Variants in PATJ observed in about 807,000 individuals in gnomAD.
PATJ encodes the protein PATJ crumbs cell polarity complex component.
Under a neutral mutation model 224.9 loss-of-function variants are expected in PATJ, and 190 were observed. The observed-to-expected ratio is 0.84, with a 90% CI of 0.75 to 0.95. The LOEUF is 0.95. Among genes scored for constraint, PATJ ranks in the 40% least tolerant of loss-of-function variants. The probability of loss-of-function intolerance (pLI) is 0.00; values close to 1 mark genes in which losing one functional copy is unlikely to be tolerated. For missense variants in PATJ, 2,121 were observed against 2,270.3 expected (o/e 0.93, Z 1.34); for synonymous variants, 769 against 820.3 (o/e 0.94, Z 1.07).
chr1:62,120,914 A>AAATGGTTT (rs1296339858), intron 37 of PATJ: 1 of 376,186 alleles, frequency 2.7e-6, no homozygotes. Flanking sequence ...AACAGCTGAA[A>AAATGGTTT]TGATTCTATG....
chr1:62,155,255 C>G (rs1325570288), intron 43 of PATJ, among the ~76,000 whole-genome samples: 1 of 152,200 alleles, frequency 6.6e-6, no homozygotes, highest in African/African-American at 2.4e-5. Flanking sequence ...TTCATGATAA[C>G]TGGATACAGA....
chr1:61,997,788 T>TTGTTTTGTTC (rs1257878357), intron 28 of PATJ, among the ~76,000 whole-genome samples: 2 of 122,166 alleles, frequency 1.6e-5, no homozygotes, highest in Admixed American at 8.4e-5. Context: ...GTGCGGTTTT[T>TTGTTTTGTTC]TGTTTTGTTT....
At chr1:62,035,392 A>G (rs1393128872) in intron 29 of PATJ, among the ~76,000 whole-genome samples, 2 of 152,188 alleles carry the variant, frequency 1.3e-5, no homozygotes, top group African/African-American at 4.8e-5. Context: ...TCATGTCTTT[A>G]TTTATACTGT....
intron 27 of PATJ, among the ~76,000 whole-genome samples, chr1:61,929,906 T>C (rs1675768893): frequency 2.0e-5 from 3 of 152,172 alleles, no homozygotes; most frequent in East Asian, 1.9e-4. Context: ...CTCTTTTAAA[T>C]ATCACTTTTA....
intron 34 of PATJ, among the ~76,000 whole-genome samples, chr1:62,110,934 G>C (rs1663725965): frequency 6.6e-6 from 1 of 152,108 alleles, no homozygotes; most frequent in South Asian, 2.1e-4. Context: ...GCTTCTGTAA[G>C]GCACTTACAT....
intron 27 of PATJ, among the ~76,000 whole-genome samples, chr1:61,948,264 G>C (rs1444943783): frequency 6.6e-6 from 1 of 152,166 alleles, no homozygotes; most frequent in South Asian, 2.1e-4. Context: ...ACTACCATCA[G>C]AGTGAACAGG....
At chr1:61,865,664 AT>A (rs1557780451) in intron 20 of PATJ, 5 of 152,280 alleles carry the variant, frequency 3.3e-5, no homozygotes, top group Admixed American at 3.3e-4. Flanking sequence ...TTTAAAAAAT[AT>A]TTTTGTTTTT....
chr1:62,135,154 T>A (rs1666691566), intron 41 of PATJ, among the ~76,000 whole-genome samples: 1 of 152,086 alleles, frequency 6.6e-6, no homozygotes, highest in Non-Finnish European at 1.5e-5. Flanking sequence ...ATTTTAAAAT[T>A]TCTCAGGTGA....
intron 27 of PATJ, chr1:61,952,002 C>T (rs879836000): frequency 6.6e-5 from 13 of 196,906 alleles, no homozygotes; most frequent in Non-Finnish European, 1.3e-4. Context: ...GTTATAATGC[C>T]TCCTGTTCTG....
chr1:62,146,171 G>A (rs1668019152), intron 41 of PATJ, among the ~76,000 whole-genome samples: 1 of 152,066 alleles, frequency 6.6e-6, no homozygotes, highest in Non-Finnish European at 1.5e-5. Context: ...AGCGGTTAAA[G>A]TGCTGAGGTG....
At position 62,086,067 on chromosome 1, in the gene PATJ, G is replaced by A. The variant is rs1225732790; in HGVS notation, c.4377+1419G>A. Among the ~76,000 whole-genome samples, 1 of 151,962 alleles carries A rather than the reference G, an allele frequency of 6.6e-6. No individual in the cohort carries two copies. Among genetic ancestry groups the A allele is most frequent in the African/African-American group, 2.4e-5 (1 of 41,360 alleles). On this transcript the variant is annotated intron_variant, in intron 33 of 43. Coordinates refer to ENST00000642238, the MANE Select transcript of PATJ (RefSeq NM_001350145.3). The surrounding 1 kb of genome is among the most constrained non-coding windows in gnomAD (Gnocchi z 4.0). ...AGGCTCAAGCGATCCTCCTACCTTAGCCTCCCAAAATGCTGCAATTACAGG... is the reference window on the plus strand; with the variant it reads ...AGGCTCAAGCGATCCTCCTACCTTAACCTCCCAAAATGCTGCAATTACAGG...
At chr1:61,950,099 G>A (rs943185934) in intron 27 of PATJ, among the ~76,000 whole-genome samples, 1 of 152,116 alleles carries the variant, frequency 6.6e-6, no homozygotes, top group African/African-American at 2.4e-5. Flanking sequence ...AGCTACTGGG[G>A]AGGTTGAGGC....
At chr1:62,066,609 G>C (rs1207178652) in intron 31 of PATJ, among the ~76,000 whole-genome samples, 1 of 152,164 alleles carries the variant, frequency 6.6e-6, no homozygotes, top group African/African-American at 2.4e-5. Flanking sequence ...TAGGAATTAG[G>C]CTGGAACTGA....
At chr1:61,873,138 C>A (rs771337203) in intron 20 of PATJ, among the ~76,000 whole-genome samples, 10 of 151,948 alleles carry the variant, frequency 6.6e-5, no homozygotes, top group Non-Finnish European at 1.3e-4. Context: ...ATAAAATAGT[C>A]ATTTAAATTT....
At chr1:61,904,390 A>G (rs1036568444) in intron 24 of PATJ, among the ~76,000 whole-genome samples, 2 of 152,236 alleles carry the variant, frequency 1.3e-5, no homozygotes, top group African/African-American at 4.8e-5. Context: ...ACTATACTAT[A>G]ATAGCAACAC....
At chr1:61,990,670 A>G (rs550779914) in intron 28 of PATJ, among the ~76,000 whole-genome samples, 52 of 152,280 alleles carry the variant, frequency 3.4e-4, no homozygotes, top group Middle Eastern at 3.4e-3. Flanking sequence ...ATATTAACCT[A>G]ATTTTGATAG....
At chr1:61,775,598 A>G (rs976869619) in intron 7 of PATJ, among the ~76,000 whole-genome samples, 4 of 152,192 alleles carry the variant, frequency 2.6e-5, no homozygotes, top group African/African-American at 9.6e-5. Context: ...TTTTTTATTG[A>G]AAAGCATTGT....
In PATJ at chr1:62,000,694, G is replaced by C. The variant is rs978322231; in HGVS notation, c.3867+10330G>C. Among the ~76,000 whole-genome samples, 14 of 150,566 alleles carry C rather than the reference G, an allele frequency of 9.3e-5. 1 individual carries two copies. The highest frequency in any genetic ancestry group is 1.3e-4 in the Admixed American group (2 of 15,152). On this transcript the variant is annotated intron_variant, in intron 28 of 43. Coordinates refer to ENST00000642238, the MANE Select transcript of PATJ (RefSeq NM_001350145.3). ...TGTCTTTATAGCAGCATGATTTATA[G>C]TCCTTTGGGTATATACCCAGTAATG...
At position 61,944,277 on chromosome 1, in the gene PATJ, C is replaced by T. The variant is rs948179999; in HGVS notation, c.3670+16448C>T. Among the ~76,000 whole-genome samples, 42 of 152,082 alleles carry T rather than the reference C, an allele frequency of 2.8e-4. 1 individual carries two copies. Among genetic ancestry groups the T allele is most frequent in the Non-Finnish European group, 1.8e-4 (12 of 68,022 alleles). ...GACGATTGGTAATAACAAACTTCTC[C>T]GAGCTAAAGGAGGATGTTTGAACCA... On this transcript the variant is annotated intron_variant, in intron 27 of 43. Transcript: ENST00000642238.
Sources: gnomAD v4.1 joint callset for allele counts (sites outside exome capture counted in the v4.1 genomes callset) on GRCh38, gnomAD v4.1.1 for gene constraint, Gnocchi (gnomAD v3.1) non-coding constraint, MANE v1.5 for transcripts, NCBI Gene and HGNC (gene_info 2026-07-23, HGNC 2026-07-21) for gene names.